SKIC8: variants seen among roughly 807,000 people sequenced by gnomAD.
The protein encoded by SKIC8 is superkiller complex protein 8.
the SKIC8 span, chr15:78,291,813 G>C: frequency 6.6e-6 from 1 of 152,198 alleles, no homozygotes; most frequent in African/African-American, 2.4e-5. Context: ...ACCCAAAAAG[G>C]GGTGTGCCAG....
chr15:78,298,534 ACT>A, the SKIC8 span, among the ~76,000 whole-genome samples: 8 of 152,276 alleles, frequency 5.3e-5, no homozygotes, highest in South Asian at 6.2e-4. Flanking sequence ...ATTTTATTAC[ACT>A]GTTATAATTC....
At chr15:78,289,723 A>G in the SKIC8 span, 3 of 1,611,078 alleles carry the variant, frequency 1.9e-6, no homozygotes, top group East Asian at 6.7e-5. Context: ...CTGTTCAGAG[A>G]ACATATGGAG....
At chr15:78,289,790 C>A in the SKIC8 span, 1 of 1,535,010 alleles carries the variant, frequency 6.5e-7, no homozygotes, top group Non-Finnish European at 9.0e-7. Flanking sequence ...CACAAGCAAA[C>A]CTCCTGCTAT....
chr15:78,284,708 C>T, the SKIC8 span: 1 of 152,522 alleles, frequency 6.6e-6, no homozygotes, highest in East Asian at 1.9e-4. Context: ...TTCACATATT[C>T]ACCTTGGCAA....
the SKIC8 span, among the ~76,000 whole-genome samples, chr15:78,298,799 G>A: frequency 1.3e-5 from 2 of 152,120 alleles, no homozygotes; most frequent in African/African-American, 2.4e-5. Flanking sequence ...GCAGATAAGG[G>A]GGGAACTACT....
At chr15:78,293,175 G>C in the SKIC8 span, 1 of 1,613,904 alleles carries the variant, frequency 6.2e-7, no homozygotes, top group Admixed American at 1.7e-5. Flanking sequence ...ACCATTTCCA[G>C]ACCTTCACCA....
At chr15:78,293,808 GT>G in the SKIC8 span, among the ~76,000 whole-genome samples, 1 of 152,166 alleles carries the variant, frequency 6.6e-6, no homozygotes, top group Non-Finnish European at 1.5e-5. Flanking sequence ...ATCCTATGAA[GT>G]GGGTACTATT....
chr15:78,292,232 C>A, the SKIC8 span: 1 of 237,276 alleles, frequency 4.2e-6, no homozygotes, highest in East Asian at 1.1e-4. Flanking sequence ...AATAAAGAAC[C>A]TCTGGAAAAT....
At chr15:78,294,903 G>GT in the SKIC8 span, 4 of 1,613,320 alleles carry the variant, frequency 2.5e-6, no homozygotes, top group South Asian at 3.3e-5. Flanking sequence ...GGACAACACA[G>GT]TTTTTTTCAC....
At chr15:78,292,988 G>T in the SKIC8 span, 3 of 837,896 alleles carry the variant, frequency 3.6e-6, no homozygotes, top group Non-Finnish European at 5.5e-6. Context: ...TAACTTTAGG[G>T]CTTTAATACA....
At chr15:78,292,705 G>C in the SKIC8 span, 13 of 1,614,130 alleles carry the variant, frequency 8.1e-6, no homozygotes, top group African/African-American at 1.3e-5. Flanking sequence ...TGCAGCAATG[G>C]GCAGGGTGTG....
chr15:78,285,984 A>G, the SKIC8 span: 1 of 1,445,470 alleles, frequency 6.9e-7, no homozygotes, highest in African/African-American at 1.4e-5. Context: ...CAATCTATAC[A>G]AGAAGACTGC....
chr15:78,284,094 A>G, the SKIC8 span: 1 of 152,214 alleles, frequency 6.6e-6, no homozygotes, highest in East Asian at 1.9e-4. Context: ...CCTCCTTCCC[A>G]GACAGAATTG....
At chr15:78,295,417 T>TG in the SKIC8 span, 1 of 503,958 alleles carries the variant, frequency 2.0e-6, no homozygotes, top group Non-Finnish European at 3.5e-6. Flanking sequence ...TTTTTTTTTT[T>TG]TGTACAACAT....
chr15:78,295,278 T>A, the SKIC8 span: 1 of 556,936 alleles, frequency 1.8e-6, no homozygotes, highest in Non-Finnish European at 3.2e-6. Context: ...AAGCTCAAAG[T>A]CCAGTTTGTA....
At chr15:78,288,408 A>G in the SKIC8 span, 1 of 1,609,736 alleles carries the variant, frequency 6.2e-7, no homozygotes, top group Non-Finnish European at 8.5e-7. Flanking sequence ...GCCCTTGTTA[A>G]TCTGGTGAAC....
the SKIC8 span, chr15:78,289,509 A>G: frequency 8.9e-6 from 7 of 790,696 alleles, no homozygotes; most frequent in Non-Finnish European, 1.5e-5. Context: ...TGAGATTGAT[A>G]TTTTGTAAAT....
At chr15:78,295,628 T>C in the SKIC8 span, 14,320 of 1,611,620 alleles carry the variant, frequency 8.9e-3, 92 homozygotes, top group East Asian at 0.011. Flanking sequence ...GGACTTGAAC[T>C]TGGCAAAGAG....
At chr15:78,298,485 G>A in the SKIC8 span, among the ~76,000 whole-genome samples, 1 of 152,178 alleles carries the variant, frequency 6.6e-6, no homozygotes, top group Admixed American at 6.5e-5. Flanking sequence ...GGTGAGTAGA[G>A]TGCAGTAAGA....
Sources: allele counts gnomAD v4.1 joint callset (sites outside exome capture counted in the v4.1 genomes callset), GRCh38; gene constraint gnomAD v4.1.1; transcripts MANE v1.5; gene names NCBI Gene and HGNC (gene_info 2026-07-23, HGNC 2026-07-21).